Variants in MAP1B observed in about 807,000 individuals in gnomAD.
MAP1B encodes the protein microtubule associated protein 1B, also known as microtubule-associated protein 1B.
MAP1B carries 12 observed loss-of-function variants against 176.1 expected under a neutral mutation model. That is an observed-to-expected ratio of 0.07 (90% CI 0.04 to 0.11). The LOEUF is 0.11. MAP1B is among the 10% of genes least tolerant of loss of function. MAP1B has a pLI of 1.00. For missense variants in MAP1B, 2,523 were observed against 2,990.5 expected (o/e 0.84, Z 3.65); for synonymous variants, 1,044 against 1,135.0 (o/e 0.92, Z 1.61).
At chr5:72,118,213 G>A (rs1328256513) in intron 2 of MAP1B, among the ~76,000 whole-genome samples, 1 of 152,072 alleles carries the variant, frequency 6.6e-6, no homozygotes, top group South Asian at 2.1e-4. Flanking sequence ...GTCTCACTAT[G>A]TTGCCCAGGC....
chr5:72,119,364 T>C (rs1199888465), intron 2 of MAP1B, among the ~76,000 whole-genome samples: 1 of 152,262 alleles, frequency 6.6e-6, no homozygotes, highest in Non-Finnish European at 1.5e-5. Context: ...AAGCCATTCC[T>C]GGCCACATCT....
intron 2 of MAP1B, among the ~76,000 whole-genome samples, chr5:72,131,403 C>G (rs765643066): frequency 4.6e-5 from 7 of 151,916 alleles, no homozygotes; most frequent in East Asian, 1.9e-4. Context: ...GTATAGAGTA[C>G]GCAGATTTAT....
At chr5:72,130,604 A>G (rs1745713388) in intron 2 of MAP1B, among the ~76,000 whole-genome samples, 3 of 152,250 alleles carry the variant, frequency 2.0e-5, no homozygotes, top group Admixed American at 2.0e-4. Context: ...ATTTACAAAA[A>G]CTATCAATTA....
chr5:72,126,075 G>A (rs534996924), intron 2 of MAP1B, among the ~76,000 whole-genome samples: 1 of 152,320 alleles, frequency 6.6e-6, no homozygotes, highest in Admixed American at 6.5e-5. Flanking sequence ...CTGCCCTGAG[G>A]CTAGAATGGG....
intron 2 of MAP1B, among the ~76,000 whole-genome samples, chr5:72,158,531 G>A (rs1746272001): frequency 1.3e-5 from 2 of 152,162 alleles, no homozygotes; most frequent in African/African-American, 4.8e-5. Flanking sequence ...TGGTTGAAGG[G>A]GAAGGAAGTT....
intron 2 of MAP1B, among the ~76,000 whole-genome samples, chr5:72,129,522 A>C (rs1001668467): frequency 2.6e-5 from 4 of 151,774 alleles, no homozygotes; most frequent in Non-Finnish European, 5.9e-5. Flanking sequence ...GTGCCACTGC[A>C]CTCTAGCCTA....
chr5:72,119,875 T>G (rs1358376506), intron 2 of MAP1B, among the ~76,000 whole-genome samples: 1 of 152,226 alleles, frequency 6.6e-6, no homozygotes, highest in Non-Finnish European at 1.5e-5. Flanking sequence ...TATTTACCTA[T>G]TATATCATAT....
chr5:72,121,973 T>TAC (rs1745537899), intron 2 of MAP1B, among the ~76,000 whole-genome samples: 1 of 152,268 alleles, frequency 6.6e-6, no homozygotes, highest in African/African-American at 2.4e-5. Flanking sequence ...GTTGTTTGTG[T>TAC]ACACGCACAG....
chr5:72,182,160 G>A (rs568104250), intron 2 of MAP1B, among the ~76,000 whole-genome samples: 48 of 150,904 alleles, frequency 3.2e-4, no homozygotes, highest in African/African-American at 6.1e-4. Context: ...TACTGCATCC[G>A]GCCTTCATCA....
intron 2 of MAP1B, among the ~76,000 whole-genome samples, chr5:72,179,164 G>A (rs189965137): frequency 6.6e-6 from 1 of 152,214 alleles, no homozygotes; most frequent in Admixed American, 6.5e-5. Context: ...CACCCAGGTC[G>A]AGGCTTCACA....
intron 2 of MAP1B, among the ~76,000 whole-genome samples, chr5:72,135,368 A>G (rs1470475129): frequency 6.6e-6 from 1 of 152,028 alleles, no homozygotes; most frequent in African/African-American, 2.4e-5. Flanking sequence ...TTCTGAGGTG[A>G]CCTTATTACT....
rs569956597 is a variant in MAP1B, at chr5:72,176,860, G to A, written c.287-6883G>A. Among the ~76,000 whole-genome samples, 41 of 152,368 alleles carry A rather than the reference G, an allele frequency of 2.7e-4. 1 individual carries two copies. In the South Asian group the frequency reaches 8.1e-3, roughly 30 times the overall value. ...TCTTTTCCAAGCCTCAGGCTGAGAT[G>A]TGCAAGAGCGGATGAATGCGAAAAG... On this transcript the variant is annotated intron_variant, in intron 2 of 6. Transcript: ENST00000296755.
rs1747380494 is a variant in MAP1B at position 72,203,657 on chromosome 5, T to C, written c.7107T>C (p.Ser2369=). The C allele has an allele frequency of 1.9e-6, 3 of 1,614,136 alleles. No homozygotes were observed. Among genetic ancestry groups the C allele is most frequent in the African/African-American group, 1.3e-5 (1 of 75,034 alleles). The stretch of plus-strand genomic sequence containing the variant: ...GCTACATTCCTAACCACAGCAATAG[T>C]AAGAATGTTGATGTGGAATTTTTCA... ...DLCYIPNHSN[S]KNVDVEFFKR... is the part of the protein sequence containing the mutation. The change falls in exon 6 of 7, where the codon AGT becomes AGC. Residue 2369 remains serine, a synonymous_variant. Coordinates refer to ENST00000296755, the MANE Select transcript of MAP1B (RefSeq NM_005909.5).
At position 72,194,681 on chromosome 5, in the gene MAP1B, T is replaced by C; in HGVS notation, c.1326T>C (p.Thr442=). 1 of 1,614,212 alleles carries C rather than the reference T, an allele frequency of 6.2e-7. No individual in the cohort carries two copies. The highest frequency in any genetic ancestry group is 8.5e-7 in the Non-Finnish European group (1 of 1,180,036). ...TGCAGTATTTTATGCAGCAGTGGAC[T>C]GGTACCAACAAAGACAAGGCTGAAT... The part of the protein sequence containing the change: ...KEMQYFMQQW[T]GTNKDKAEFI... The change falls in exon 5 of 7, where the codon ACT becomes ACC. Residue 442 remains threonine (T), a synonymous_variant. Coordinates refer to ENST00000296755, the MANE Select transcript of MAP1B (RefSeq NM_005909.5). The surrounding 1 kb of genome is among the most constrained non-coding windows in gnomAD (Gnocchi z 7.2).
At chr5:72,146,010 A>C (rs1746039270) in intron 2 of MAP1B, among the ~76,000 whole-genome samples, 2 of 152,296 alleles carry the variant, frequency 1.3e-5, no homozygotes, top group African/African-American at 2.4e-5. Context: ...CAAAGAAGAG[A>C]CGCATTGGGA....
In MAP1B at chr5:72,199,799, C is replaced by T. The variant is rs1296883120; in HGVS notation, c.6444C>T (p.Thr2148=). The change falls in exon 5 of 7, where the codon ACC becomes ACT. Residue 2148 remains threonine, a synonymous_variant. Coordinates refer to ENST00000296755, the MANE Select transcript of MAP1B (RefSeq NM_005909.5). This position sits in a 1 kb window ranked among gnomAD's most constrained non-coding sequence, Gnocchi z 4.2. The part of the protein sequence containing the change: ...QGRQCDETPP[T]SVSESAPSQT... ...GACAGTGTGATGAAACCCCTCCCAC[C>T]TCAGTCAGCGAGTCAGCCCCATCCC... The T allele has an allele frequency of 6.2e-7, 1 of 1,614,062 alleles. No homozygotes were observed. The highest frequency in any genetic ancestry group is 1.7e-5 in the Admixed American group (1 of 60,010).
chr5:72,113,039 C>T (rs2112116292), intron 1 of MAP1B, among the ~76,000 whole-genome samples: 1 of 152,286 alleles, frequency 6.6e-6, no homozygotes, highest in Non-Finnish European at 1.5e-5. Flanking sequence ...TTAGAGGGCT[C>T]ACTGTTGGCT....
intron 2 of MAP1B, among the ~76,000 whole-genome samples, chr5:72,143,097 G>T (rs1204186732): frequency 6.6e-6 from 1 of 152,120 alleles, no homozygotes; most frequent in East Asian, 1.9e-4. Context: ...GCGTGAGTGT[G>T]TGCAGTTGCT....
rs1382720433 is a variant in MAP1B at position 72,202,108 on chromosome 5, AG to A, written c.7013-1454del. 3.3e-5 allele frequency among the ~76,000 whole-genome samples: 5 copies of A among 152,360 alleles called. No homozygotes were observed. The South Asian group carries it at 8.3e-4, about 25-fold the overall frequency. ...ATGAGTTAATTTTCATTTATTTTGG[AG>A]ATGCTTTTAGATGTCTAAAAAGGCA... is the stretch of plus-strand genomic sequence containing the variant. On this transcript the variant is annotated intron_variant, in intron 5 of 6. Coordinates refer to ENST00000296755, the MANE Select transcript of MAP1B (RefSeq NM_005909.5).
Sources: allele counts gnomAD v4.1 joint callset (sites outside exome capture counted in the v4.1 genomes callset), GRCh38; gene constraint gnomAD v4.1.1; non-coding constraint Gnocchi (gnomAD v3.1); transcripts MANE v1.5; gene names NCBI Gene and HGNC (gene_info 2026-07-23, HGNC 2026-07-21).